The following ADAMTS18 variants were observed in gnomAD, a reference collection of about 807,000 sequenced individuals.
ADAMTS18 encodes ADAM metallopeptidase with thrombospondin type 1 motif 18.
A neutral mutation model predicts 165.9 loss-of-function variants in ADAMTS18; 157 were observed. The ratio of observed to expected loss-of-function variants is 0.95; its 90% CI spans 0.83 to 1.08. The LOEUF (loss-of-function observed/expected upper bound fraction) is 1.08. ADAMTS18 is among the 50% of genes least tolerant of loss of function. The pLI is 0.00. For missense variants in ADAMTS18, 2,040 were observed against 1,534.0 expected (o/e 1.33, Z -5.51); for synonymous variants, 782 against 578.2 (o/e 1.35, Z -5.06).
chr16:77,306,917 A>G (rs1031414518), intron 16 of ADAMTS18, among the ~76,000 whole-genome samples: 3 of 152,120 alleles, frequency 2.0e-5, no homozygotes, highest in African/African-American at 7.2e-5. Flanking sequence ...CTCTCACAAC[A>G]TTGCCTCTCA....
intron 13 of ADAMTS18, 91 bp from the exon 14 acceptor site, chr16:77,322,557 G>A: frequency 6.7e-7 from 1 of 1,498,244 alleles, no homozygotes; most frequent in Non-Finnish European, 9.2e-7. Flanking sequence ...AATTTACTTA[G>A]AAAGCTATCA....
At chr16:77,374,521 G>C (rs1318241846) in intron 3 of ADAMTS18, among the ~76,000 whole-genome samples, 3 of 152,038 alleles carry the variant, frequency 2.0e-5, no homozygotes, top group African/African-American at 7.3e-5. Context: ...GCTGCATGCA[G>C]ACCAAAAACA....
rs10679600 is a variant in ADAMTS18, at chr16:77,337,908, C to CTTTTTTT, written c.1711-2011_1711-2005dup. ...TTTTATCCATCTTTTCTTTTCTTTT[C>CTTTTTTT]TTTTTTTTTTTTTTGACAAAGTTTC... On this transcript the variant is annotated intron_variant, in intron 11 of 22. Coordinates refer to ENST00000282849, the MANE Select transcript of ADAMTS18 (RefSeq NM_199355.4). 8.8e-3 allele frequency among the ~76,000 whole-genome samples: 1,235 copies of CTTTTTTT among 140,746 alleles called. 22 individuals carry two copies. Among genetic ancestry groups the CTTTTTTT allele is most frequent in the African/African-American group, 0.03 (1,159 of 38,246 alleles). The allele number at this position is 140,746 out of a possible 152,430, so 92.3% of individuals were successfully genotyped here.
chr16:77,358,113 G>A (rs888526999), intron 8 of ADAMTS18, among the ~76,000 whole-genome samples: 4 of 151,972 alleles, frequency 2.6e-5, no homozygotes, highest in Admixed American at 6.6e-5. Flanking sequence ...GAGCATTTTC[G>A]CTTCTCCATT....
intron 6 of ADAMTS18, 34 bp downstream of exon 6, chr16:77,363,768 C>T (rs878865214): frequency 6.3e-7 from 1 of 1,589,296 alleles, no homozygotes; most frequent in Non-Finnish European, 8.6e-7. Context: ...GAACGGCAGA[C>T]TGAATGAAGA....
chr16:77,282,906 C>CTTTTTTTT lies in ADAMTS18; in HGVS notation c.*1042_*1049dup, dbSNP rs1555507097. 24 of 77,566 alleles carry CTTTTTTTT rather than the reference C, an allele frequency of 3.1e-4. No homozygotes were observed. Among genetic ancestry groups the CTTTTTTTT allele is most frequent in the East Asian group, 6.4e-4 (2 of 3,114 alleles). 4.8% of individuals were successfully genotyped at this position (77,566 alleles called of 1,614,324 possible). A position where few individuals can be genotyped will look rare whatever the true frequency, so the allele number is the denominator to read the frequency against. On this transcript the variant is annotated 3_prime_UTR_variant, in exon 23 of 23. Coordinates refer to ENST00000282849, the MANE Select transcript of ADAMTS18 (RefSeq NM_199355.4). ...CCACTGTTTACTCCTTTCTTTCTCT[C>CTTTTTTTT]TTTTTTTTTTTTTTTTTTTTGCTGT...
chr16:77,326,184 T>A (rs983373680), intron 12 of ADAMTS18, 146 bp from the exon 13 acceptor site: 1 of 801,504 alleles, frequency 1.2e-6, no homozygotes, highest in Non-Finnish European at 2.1e-6. Flanking sequence ...TGGAAGTACA[T>A]AGCATACAAC....
At chr16:77,364,132 T>C (rs2056756626) in intron 5 of ADAMTS18, 56 bp downstream of exon 5, 4 of 1,608,176 alleles carry the variant, frequency 2.5e-6, no homozygotes, top group South Asian at 2.2e-5. Flanking sequence ...TGCAAGAGAA[T>C]TCCATGACAT....
At chr16:77,330,977 GA>G (rs1272256350) in intron 12 of ADAMTS18, among the ~76,000 whole-genome samples, 1 of 152,170 alleles carries the variant, frequency 6.6e-6, no homozygotes, top group East Asian at 1.9e-4. Flanking sequence ...AACAGAGACA[GA>G]ACAATTAATT....
intron 3 of ADAMTS18, among the ~76,000 whole-genome samples, chr16:77,394,200 G>A (rs765413257): frequency 1.1e-4 from 17 of 152,164 alleles, no homozygotes; most frequent in Non-Finnish European, 2.4e-4. Context: ...TTTCCAAAGG[G>A]TTTTTAAATG....
chr16:77,369,229 A>C (rs1245815583), intron 3 of ADAMTS18, among the ~76,000 whole-genome samples: 1 of 151,994 alleles, frequency 6.6e-6, no homozygotes, highest in African/African-American at 2.4e-5. Context: ...ACTTTATTTT[A>C]ATCTTTTTTT....
intron 11 of ADAMTS18, among the ~76,000 whole-genome samples, chr16:77,339,141 C>T (rs1025254884): frequency 7.9e-5 from 12 of 151,964 alleles, no homozygotes; most frequent in Admixed American, 2.0e-4. Flanking sequence ...CCAGATGAAA[C>T]AAGTAAAACC....
chr16:77,431,622 A>C lies in ADAMTS18; in HGVS notation c.179-11T>G. On this transcript the variant is annotated splice_polypyrimidine_tract_variant and intron_variant, in intron 2 of 22. Coordinates refer to ENST00000282849, the MANE Select transcript of ADAMTS18 (RefSeq NM_199355.4). ...TGACAAAGACGTAATCTGCAATGGG[A>C]AAAGTTCAGCTGTCAGCACCCAGAG... 6.2e-7 allele frequency: 1 copy of C among 1,613,404 alleles called. No homozygotes were observed.
chr16:77,304,381 A>G (rs2055644124), intron 16 of ADAMTS18, among the ~76,000 whole-genome samples: 1 of 152,108 alleles, frequency 6.6e-6, no homozygotes, highest in Non-Finnish European at 1.5e-5. Flanking sequence ...GGGCTGCTTG[A>G]GCTCAGGAGT....
chr16:77,389,698 C>A (rs543494266), intron 3 of ADAMTS18, among the ~76,000 whole-genome samples: 3 of 152,264 alleles, frequency 2.0e-5, no homozygotes, highest in African/African-American at 7.2e-5. Flanking sequence ...TGAATCTTTG[C>A]CTTCCTTAAA....
At position 77,282,398 on chromosome 16, in the gene ADAMTS18, T is replaced by C. The variant is rs562245631; in HGVS notation, c.*1558A>G. ...GTAGAGAAAATTTTTTTTTTTCCTG[T>C]TGATAAAATGGCCACTTCTCTAGGC... On this transcript the variant is annotated 3_prime_UTR_variant, in exon 23 of 23. Coordinates refer to ENST00000282849, the MANE Select transcript of ADAMTS18 (RefSeq NM_199355.4). 6.6e-5 allele frequency: 10 copies of C among 152,290 alleles called. No homozygotes were observed. The highest frequency in any genetic ancestry group is 2.4e-4 in the African/African-American group (10 of 41,582). 9.4% of individuals were successfully genotyped at this position (152,290 alleles called of 1,614,324 possible).
chr16:77,396,800 C>A (rs1014739180), intron 3 of ADAMTS18, among the ~76,000 whole-genome samples: 2 of 134,486 alleles, frequency 1.5e-5, no homozygotes, highest in African/African-American at 5.7e-5. Flanking sequence ...GTCTTCATTG[C>A]CTTTTTTTTT....
At chr16:77,386,986 T>G (rs1300358567) in intron 3 of ADAMTS18, among the ~76,000 whole-genome samples, 1 of 152,226 alleles carries the variant, frequency 6.6e-6, no homozygotes, top group Non-Finnish European at 1.5e-5. Flanking sequence ...GCTTGCCTTC[T>G]GTAGCATCCA....
chr16:77,312,127 G>A (rs1467230564), intron 16 of ADAMTS18, among the ~76,000 whole-genome samples: 3 of 151,976 alleles, frequency 2.0e-5, no homozygotes, highest in Non-Finnish European at 2.9e-5. Flanking sequence ...GTCACTCAAG[G>A]TGCTGTCCGT....
Sources: allele counts gnomAD v4.1 joint callset (sites outside exome capture counted in the v4.1 genomes callset), GRCh38; gene constraint gnomAD v4.1.1; transcripts MANE v1.5; gene names NCBI Gene and HGNC (gene_info 2026-07-23, HGNC 2026-07-21).